Variants in SBNO1 observed in about 807,000 individuals in gnomAD.
The protein encoded by SBNO1 is strawberry notch homolog 1.
In SBNO1, 23 loss-of-function variants were observed where a neutral mutation model predicts 173.6. That is an observed-to-expected ratio of 0.13 (90% CI 0.10 to 0.19). The LOEUF (loss-of-function observed/expected upper bound fraction) is 0.19. SBNO1 is among the 10% of genes least tolerant of loss of function. The pLI is 1.00. For missense variants in SBNO1, 1,238 were observed against 1,671.2 expected, an observed-to-expected ratio of 0.74 and a Z score of 4.52; for synonymous variants, 632 against 571.5, an observed-to-expected ratio of 1.11 and a Z score of -1.51.
chr12:123,291,730 G>GA lies in SBNO1; in HGVS notation c.*4177dup. 7.5e-6 allele frequency: 1 copy of GA among 134,174 alleles called. No homozygotes were observed. The highest frequency in any genetic ancestry group is 2.1e-4 in the East Asian group (1 of 4,876). The allele number at this position is 134,174 out of a possible 1,614,324, so 8.3% of individuals were successfully genotyped here. A position where few individuals can be genotyped will look rare whatever the true frequency, so the allele number is the denominator to read the frequency against. On this transcript the variant is annotated 3_prime_UTR_variant, in exon 32 of 32. Coordinates refer to ENST00000602398, the MANE Select transcript of SBNO1 (RefSeq NM_001167856.3). Reference sequence around the variant, plus strand: ...AAGATGCCCCATATGGGAAAGTCAAGAAAAGAATAAATAGAGCTGAAGGGA... The same window carrying GA: ...AAGATGCCCCATATGGGAAAGTCAAGAAAAAGAATAAATAGAGCTGAAGGGA...
chr12:123,361,406 G>C (rs953975491), intron 1 of SBNO1, among the ~76,000 whole-genome samples: 1 of 151,886 alleles, frequency 6.6e-6, no homozygotes, highest in Non-Finnish European at 1.5e-5. Flanking sequence ...AAGTTAACCA[G>C]ACGTGGTGGC....
chr12:123,326,769 A>G (rs943359804), intron 13 of SBNO1, among the ~76,000 whole-genome samples: 6 of 152,040 alleles, frequency 3.9e-5, no homozygotes, highest in Admixed American at 2.6e-4. Flanking sequence ...CTACCAAAAA[A>G]TACAAAAATC....
At position 123,319,888 on chromosome 12, in the gene SBNO1, A is replaced by G. The variant is rs750310549; in HGVS notation, c.2799+12T>C. On this transcript the variant is annotated intron_variant, in intron 20 of 31. Coordinates refer to ENST00000602398, the MANE Select transcript of SBNO1 (RefSeq NM_001167856.3). ...TGTTCTTTTCACTGAGAAGCATCTC[A>G]GTAAAACATACCTTATCTCCATCCA... 1 of 1,612,696 alleles carries G rather than the reference A, an allele frequency of 6.2e-7. No homozygotes were observed. The highest frequency in any genetic ancestry group is 1.3e-5 in the African/African-American group (1 of 74,904).
intron 30 of SBNO1, among the ~76,000 whole-genome samples, chr12:123,301,845 C>T (rs1461774402): frequency 1.3e-5 from 2 of 151,974 alleles, no homozygotes; most frequent in African/African-American, 4.8e-5. Flanking sequence ...CTGCACTGTA[C>T]TCCAGCCTAG....
rs746449039 is a variant in SBNO1, at chr12:123,336,502, G to GA, written c.652-12dup. On this transcript the variant is annotated splice_polypyrimidine_tract_variant and intron_variant, in intron 5 of 31. Coordinates refer to ENST00000602398, the MANE Select transcript of SBNO1 (RefSeq NM_001167856.3). ...TACAACAGGAACCTTCTGCAACACAGAAAGAGCACAATCAATCCCAAATCC... is the reference window on the plus strand; with the variant it reads ...TACAACAGGAACCTTCTGCAACACAGAAAAGAGCACAATCAATCCCAAATCC... 2 of 1,575,144 alleles carry GA rather than the reference G, an allele frequency of 1.3e-6. No homozygotes were observed. The highest frequency in any genetic ancestry group is 1.7e-6 in the Non-Finnish European group (2 of 1,151,186).
rs1291221949 is a variant in SBNO1 at position 123,294,053 on chromosome 12, GA to G, written c.*1854del. The G allele has an allele frequency of 1.3e-5, 2 of 152,346 alleles. No homozygotes were observed. The highest frequency in any genetic ancestry group is 4.8e-5 in the African/African-American group (2 of 41,476). 9.4% of individuals were successfully genotyped at this position (152,346 alleles called of 1,614,324 possible). A position where few individuals can be genotyped will look rare whatever the true frequency, so the allele number is the denominator to read the frequency against. On this transcript the variant is annotated 3_prime_UTR_variant, in exon 32 of 32. Coordinates refer to ENST00000602398, the MANE Select transcript of SBNO1 (RefSeq NM_001167856.3). ...GCCGGGTCTAGCGGCCCTAACAAGG[GA>G]AACTGGCTGATACAAAATGGATCAC...
chr12:123,343,843 G>C (rs896612747), intron 4 of SBNO1, among the ~76,000 whole-genome samples: 2 of 152,058 alleles, frequency 1.3e-5, no homozygotes, highest in African/African-American at 2.4e-5. Flanking sequence ...GCCCATCTTT[G>C]TTTCTTAGTC....
At chr12:123,334,391 G>A (rs546085118) in intron 6 of SBNO1, among the ~76,000 whole-genome samples, 178 bp from the exon 7 acceptor site, 63 of 152,266 alleles carry the variant, frequency 4.1e-4, no homozygotes, top group African/African-American at 1.5e-3. Flanking sequence ...TGACTAAAAT[G>A]ATTTATCAAC....
At chr12:123,299,273 C>G (rs969678767) in intron 30 of SBNO1, among the ~76,000 whole-genome samples, 30 of 151,772 alleles carry the variant, frequency 2.0e-4, no homozygotes, top group African/African-American at 7.0e-4. Flanking sequence ...GAAGCTGAGG[C>G]AGGAGAATGG....
chr12:123,339,705 C>G (rs1468682828), intron 5 of SBNO1, among the ~76,000 whole-genome samples: 2 of 151,914 alleles, frequency 1.3e-5, no homozygotes, highest in East Asian at 3.9e-4. Context: ...AAGAATCGCT[C>G]GAACCTGGGA....
intron 21 of SBNO1, 47 bp from the exon 22 acceptor site, chr12:123,315,707 C>T (rs1288888668): frequency 1.9e-6 from 2 of 1,037,268 alleles, no homozygotes; most frequent in Non-Finnish European, 3.0e-6. Context: ...GTTCGCTGGA[C>T]AGAGAATATT....
Position 123,304,697 on chromosome 12 carries a change from G to A in SBNO1, c.3653C>T (p.Ala1218Val). 1 of 1,536,620 alleles carries A rather than the reference G, an allele frequency of 6.5e-7. No individual in the cohort carries two copies. Among genetic ancestry groups the A allele is most frequent in the Non-Finnish European group, 9.0e-7 (1 of 1,116,008 alleles). The change falls in exon 29 of 32, where the codon GCC (alanine) becomes GTC (valine). Residue 1218 changes from alanine to valine, a missense_variant. Ala to Val is a moderately conservative substitution (Grantham distance 64). Transcript: ENST00000602398. Reference protein sequence around the residue: ...SLQIRNNKKTAILVKEVNPKK... With the variant: ...SLQIRNNKKTVILVKEVNPKK... The stretch of plus-strand genomic sequence containing the variant: ...AGGATTCACTTCTTTAACTAAGATG[G>A]CAGTTTTCTTGTTGTTCCTTATCTG...
intron 10 of SBNO1, 116 bp from the exon 11 acceptor site, chr12:123,328,143 G>T: frequency 1.3e-6 from 1 of 762,672 alleles, no homozygotes; most frequent in South Asian, 2.2e-5. Flanking sequence ...TTTCATGACT[G>T]CAAATACAAA....
At chr12:123,346,439 C>T (rs1246084169) in intron 3 of SBNO1, among the ~76,000 whole-genome samples, 4 of 151,524 alleles carry the variant, frequency 2.6e-5, no homozygotes, top group African/African-American at 4.8e-5. Context: ...CTGAGGCGGG[C>T]GGATCACGAG....
Position 123,336,560 on chromosome 12 carries a change from ACT to A in SBNO1, c.652-71_652-70del. On this transcript the variant is annotated intron_variant, in intron 5 of 31. Transcript: ENST00000602398. ...AGACGCCCAGCCAACACACAGAAAA[ACT>A]CTCTTGTAGGAACACCTACAAATTT... is the stretch of plus-strand genomic sequence containing the variant. 1.1e-5 allele frequency: 10 copies of A among 945,038 alleles called. No individual in the cohort carries two copies. The South Asian group carries it at 1.2e-4, about 11-fold the overall frequency. 58.5% of individuals were successfully genotyped at this position (945,038 alleles called of 1,614,324 possible). A position where few individuals can be genotyped will look rare whatever the true frequency, so the allele number is the denominator to read the frequency against.
At chr12:123,338,311 G>C (rs548582493) in intron 5 of SBNO1, among the ~76,000 whole-genome samples, 1 of 13,704 alleles carries the variant, frequency 7.3e-5, no homozygotes, top group East Asian at 4.5e-4. Context: ...CCAGCACTTG[G>C]GCAAGCAGGG....
At position 123,335,063 on chromosome 12, in the gene SBNO1, G is replaced by C. The variant is rs553157379; in HGVS notation, c.749-850C>G. ...AAAAATTAGCTGGGCATGGTGGTGG[G>C]ACCTGTGGTCCGAGCTATTCAGGAG... On this transcript the variant is annotated intron_variant, in intron 6 of 31. Transcript: ENST00000602398. Among the ~76,000 whole-genome samples, 111 of 152,330 alleles carry C rather than the reference G, an allele frequency of 7.3e-4. 3 individuals carry two copies. The South Asian group carries it at 0.022, about 30-fold the overall frequency.
intron 1 of SBNO1, among the ~76,000 whole-genome samples, chr12:123,357,223 G>A (rs1027093253): frequency 2.0e-5 from 3 of 151,930 alleles, no homozygotes; most frequent in Non-Finnish European, 2.9e-5. Flanking sequence ...GAGGCAGGCA[G>A]ATCACTTGAG....
At chr12:123,309,888 A>C in intron 25 of SBNO1, 32 bp from the exon 26 acceptor site, 1 of 1,520,998 alleles carries the variant, frequency 6.6e-7, no homozygotes, top group East Asian at 2.3e-5. Context: ...GTTTTCATGC[A>C]AATGATAATT....
Sources: allele counts gnomAD v4.1 joint callset (sites outside exome capture counted in the v4.1 genomes callset), GRCh38; gene constraint gnomAD v4.1.1; transcripts MANE v1.5; gene names NCBI Gene and HGNC (gene_info 2026-07-23, HGNC 2026-07-21).